THSD4: variants seen among roughly 807,000 people sequenced by gnomAD.
THSD4 encodes thrombospondin type-1 domain-containing protein 4.
In THSD4, 69 loss-of-function variants were observed where a neutral mutation model predicts 119.0. That is an observed-to-expected ratio of 0.58 (90% CI 0.48 to 0.71). The LOEUF is 0.71. THSD4 is among the 30% of genes least tolerant of loss of function. The pLI is 0.00. For missense variants in THSD4, 1,393 were observed against 1,391.1 expected (o/e 1.00, Z -0.02); for synonymous variants, 524 against 540.4 (o/e 0.97, Z 0.42).
intron 3 of THSD4, among the ~76,000 whole-genome samples, chr15:71,166,614 A>G (rs2043297021): frequency 6.6e-6 from 1 of 152,034 alleles, no homozygotes; most frequent in Non-Finnish European, 1.5e-5. Context: ...ACCATGTGGC[A>G]GAGGGAGGAT....
intron 6 of THSD4, among the ~76,000 whole-genome samples, chr15:71,288,135 A>G (rs2044742881): frequency 6.6e-6 from 1 of 152,156 alleles, no homozygotes; most frequent in East Asian, 1.9e-4. Context: ...GTCCCACACA[A>G]CCGTTTGCTT....
chr15:71,211,507 A>G (rs765813275), intron 3 of THSD4, among the ~76,000 whole-genome samples: 1 of 152,082 alleles, frequency 6.6e-6, no homozygotes, highest in Non-Finnish European at 1.5e-5. Context: ...TTCTGCTTAT[A>G]AGGACATAAA....
At chr15:71,110,327 C>CT (rs2040294098) in intron 1 of THSD4, 1 of 152,104 alleles carries the variant, frequency 6.6e-6, no homozygotes, top group Admixed American at 6.5e-5. Context: ...TTTGCATTAC[C>CT]TTTTTTGAAA....
At chr15:71,290,891 TTG>T (rs2044782957) in intron 6 of THSD4, among the ~76,000 whole-genome samples, 1 of 151,034 alleles carries the variant, frequency 6.6e-6, no homozygotes, top group South Asian at 2.1e-4. Context: ...TTTTTTTTTT[TTG>T]TTAACTTTTA....
chr15:71,635,711 A>G (rs910405197), intron 7 of THSD4, among the ~76,000 whole-genome samples: 1 of 152,198 alleles, frequency 6.6e-6, no homozygotes, highest in Non-Finnish European at 1.5e-5. Context: ...TCCCAGCTGC[A>G]TGATTGGGAG....
chr15:71,674,164 C>A (rs1484514175), intron 8 of THSD4, among the ~76,000 whole-genome samples: 1 of 152,166 alleles, frequency 6.6e-6, no homozygotes, highest in East Asian at 1.9e-4. Context: ...CCACCTTACT[C>A]CCCCAGCCCT....
At chr15:71,747,111 A>C in intron 13 of THSD4, 69 bp downstream of exon 13, 1 of 1,504,866 alleles carries the variant, frequency 6.6e-7, no homozygotes, top group Non-Finnish European at 8.9e-7. Context: ...AGCCTCCCCC[A>C]CCAAGACCTG....
At chr15:71,717,067 A>G (rs2052624645) in intron 8 of THSD4, among the ~76,000 whole-genome samples, 2 of 152,214 alleles carry the variant, frequency 1.3e-5, no homozygotes, top group South Asian at 2.1e-4. Flanking sequence ...CCTTTTGCAT[A>G]CATATGTGAG....
At chr15:71,352,983 G>A (rs2045763092) in intron 6 of THSD4, among the ~76,000 whole-genome samples, 1 of 152,216 alleles carries the variant, frequency 6.6e-6, no homozygotes, top group Admixed American at 6.5e-5. Context: ...TCCAGAGGTT[G>A]GGTAGGTGGG....
At chr15:71,464,552 G>A (rs916694267) in intron 7 of THSD4, among the ~76,000 whole-genome samples, 5 of 152,232 alleles carry the variant, frequency 3.3e-5, no homozygotes, top group African/African-American at 1.2e-4. Context: ...AAGCTATATG[G>A]AGCATACCCA....
At chr15:71,635,131 T>G (rs946497342) in intron 7 of THSD4, among the ~76,000 whole-genome samples, 3 of 152,224 alleles carry the variant, frequency 2.0e-5, no homozygotes, top group Non-Finnish European at 4.4e-5. Context: ...AGGCCAGATT[T>G]GAAGCTCTCA....
At chr15:71,516,153 G>A (rs1269021030) in intron 7 of THSD4, among the ~76,000 whole-genome samples, 3 of 152,216 alleles carry the variant, frequency 2.0e-5, no homozygotes, top group Admixed American at 2.0e-4. Flanking sequence ...TGGGGTACAG[G>A]TGGTGTCCTG....
intron 5 of THSD4, among the ~76,000 whole-genome samples, chr15:71,249,712 C>T (rs946546885): frequency 2.6e-5 from 4 of 152,152 alleles, no homozygotes; most frequent in Admixed American, 2.0e-4. Flanking sequence ...ACAGCAAAGA[C>T]ATGTATATCC....
intron 11 of THSD4, among the ~76,000 whole-genome samples, chr15:71,741,684 TACAC>T (rs56080459): frequency 0.19 from 27,929 of 145,450 alleles, 2,751 homozygotes; most frequent in Non-Finnish European, 0.21. Context: ...TGTGTGCATG[TACAC>T]ACACACACAC....
At chr15:71,158,526 G>T (rs969780787) in intron 3 of THSD4, among the ~76,000 whole-genome samples, 13 of 151,944 alleles carry the variant, frequency 8.6e-5, no homozygotes, top group African/African-American at 2.9e-4. Context: ...CTGTGGTTTT[G>T]GTTTGCATTT....
chr15:71,726,914 G>T (rs145028938), intron 8 of THSD4, among the ~76,000 whole-genome samples: 3,387 of 151,124 alleles, frequency 0.022, 113 homozygotes, highest in African/African-American at 0.079. Flanking sequence ...TCCGGCCTGG[G>T]CAACAAGAAC....
At chr15:71,716,561 G>GGTGTGTGTGTGTGTGTGTGT (rs57999390) in intron 8 of THSD4, among the ~76,000 whole-genome samples, 18,579 of 144,282 alleles carry the variant, frequency 0.13, 1,300 homozygotes, top group Middle Eastern at 0.16. Flanking sequence ...TAGAGTGTGG[G>GGTGTGTGTGTGTGTGTGTGT]GTGTGTGTGT....
At chr15:71,522,778 A>G (rs2048461624) in intron 7 of THSD4, among the ~76,000 whole-genome samples, 1 of 152,226 alleles carries the variant, frequency 6.6e-6, no homozygotes, top group South Asian at 2.1e-4. Flanking sequence ...GAAAGGTGTC[A>G]GTGGCAGAGT....
chr15:71,588,236 G>T (rs979189454), intron 7 of THSD4, among the ~76,000 whole-genome samples: 1 of 150,436 alleles, frequency 6.6e-6, no homozygotes, highest in Non-Finnish European at 1.5e-5. Context: ...AACCCGGGAG[G>T]CGGAGCTTGC....
Sources: gnomAD v4.1 joint callset for allele counts (sites outside exome capture counted in the v4.1 genomes callset) on GRCh38, gnomAD v4.1.1 for gene constraint, MANE v1.5 for transcripts, NCBI Gene and HGNC (gene_info 2026-07-23, HGNC 2026-07-21) for gene names.